The following CCDC148 variants were observed in gnomAD, a reference collection of about 807,000 sequenced individuals.
CCDC148 encodes the protein coiled-coil domain-containing protein 148.
CCDC148 carries 89 observed loss-of-function variants against 85.7 expected under a neutral mutation model. The ratio of observed to expected loss-of-function variants is 1.04; its 90% CI spans 0.87 to 1.24. The LOEUF (loss-of-function observed/expected upper bound fraction) is 1.24. Among genes scored for constraint, CCDC148 ranks in the 50% most tolerant of loss-of-function variants. CCDC148 has a pLI of 0.00. For synonymous variants in CCDC148, 230 were observed against 213.9 expected, an observed-to-expected ratio of 1.08 and a Z score of -0.66; for missense variants, 692 against 671.7, an observed-to-expected ratio of 1.03 and a Z score of -0.33.
intron 9 of CCDC148, among the ~76,000 whole-genome samples, chr2:158,258,456 C>T (rs1485226954): frequency 6.6e-6 from 1 of 151,820 alleles, no homozygotes; most frequent in African/African-American, 2.4e-5. Flanking sequence ...TGAGTCCTAC[C>T]TCTGTGACCT....
rs191188488 is a variant in CCDC148, at chr2:158,180,507, A to T, written c.1371-1511T>A. On this transcript the variant is annotated intron_variant, in intron 11 of 13. Transcript: ENST00000283233. ...TTCACGGAGGAGGCAGTATCTGAGCAGGGTCTTGAGGATTAGGATTCCAGG... is the reference window on the plus strand; with the variant it reads ...TTCACGGAGGAGGCAGTATCTGAGCTGGGTCTTGAGGATTAGGATTCCAGG... Among the ~76,000 whole-genome samples, 604 of 152,222 alleles carry T rather than the reference A, an allele frequency of 4.0e-3. 6 individuals carry two copies. The highest frequency in any genetic ancestry group is 0.027 in the South Asian group (128 of 4,826).
At chr2:158,178,590 G>A (rs528331424) in intron 12 of CCDC148, among the ~76,000 whole-genome samples, 1 of 152,232 alleles carries the variant, frequency 6.6e-6, no homozygotes, top group East Asian at 1.9e-4. Flanking sequence ...CCTCACTGTT[G>A]TAAATGGATA....
intron 11 of CCDC148, among the ~76,000 whole-genome samples, chr2:158,220,151 A>G (rs1253292180): frequency 2.0e-5 from 3 of 150,254 alleles, no homozygotes; most frequent in South Asian, 2.1e-4. Flanking sequence ...GATTTTTTTC[A>G]TGTATTGGGC....
rs375854120 is a variant in CCDC148, at chr2:158,338,833, G to T, written c.657C>A (p.Cys219Ter). 1.1e-5 allele frequency: 18 copies of T among 1,612,610 alleles called. No individual in the cohort carries two copies. The highest frequency in any genetic ancestry group is 1.4e-5 in the Non-Finnish European group (17 of 1,179,562). ...TTGAAGATTTCAAATCAGGGTATGGGCATTCCAAACTTTCTAATTCAATGG... is the reference window on the plus strand; with the variant it reads ...TTGAAGATTTCAAATCAGGGTATGGTCATTCCAAACTTTCTAATTCAATGG... ...ELPIELESLE[C>*]PYPDLKSSIL... Residue 219 changes from cysteine (C) to a stop codon, truncating the protein, a stop_gained, in exon 7 of 14, where the codon TGC becomes TGA. Transcript: ENST00000283233. LOFTEE classifies it high-confidence loss of function.
chr2:158,390,602 G>C (rs181955883), intron 1 of CCDC148, among the ~76,000 whole-genome samples: 45 of 152,244 alleles, frequency 3.0e-4, no homozygotes, highest in African/African-American at 1.0e-3. Context: ...CCAGTGACTA[G>C]AGATCTAAGA....
chr2:158,197,901 AATGAATTAATCAATTAATTCT>A (rs1685758649), intron 11 of CCDC148, among the ~76,000 whole-genome samples: 1 of 130,716 alleles, frequency 7.7e-6, no homozygotes, highest in African/African-American at 4.6e-5. Flanking sequence ...AATTAATTCT[AATGAATTAATCAATTAATTCT>A]AATGAATTAA....
chr2:158,239,840 G>A (rs942864604), intron 10 of CCDC148, among the ~76,000 whole-genome samples: 22 of 151,786 alleles, frequency 1.4e-4, no homozygotes, highest in Middle Eastern at 3.4e-3. Flanking sequence ...ATATGCTATC[G>A]TCTCCTTTTG....
chr2:158,344,168 CA>C (rs909161478), intron 3 of CCDC148, among the ~76,000 whole-genome samples: 22 of 148,960 alleles, frequency 1.5e-4, no homozygotes, highest in African/African-American at 3.9e-4. Context: ...TGCACATTTT[CA>C]AAAAAAAAAT....
At chr2:158,186,188 C>T (rs932709779) in intron 11 of CCDC148, among the ~76,000 whole-genome samples, 6 of 152,104 alleles carry the variant, frequency 3.9e-5, no homozygotes, top group Non-Finnish European at 8.8e-5. Context: ...GAATTAACTA[C>T]TGACTGGCTG....
In CCDC148 at chr2:158,176,559, T is replaced by G. The variant is rs1684598525; in HGVS notation, c.1591A>C (p.Lys531Gln). The G allele has an allele frequency of 2.5e-6, 4 of 1,612,102 alleles. No individual in the cohort carries two copies. The highest frequency in any genetic ancestry group is 3.4e-6 in the Non-Finnish European group (4 of 1,178,856). ...TATGTATTCAATGTGAAGAGTGGCT[T>G]TTGAAGAATAAATTCTTCTTCAATT... is the stretch of plus-strand genomic sequence containing the variant. Reference protein sequence around the residue: ...IEIEEEFILQKPLFTLNTYNE... With the variant: ...IEIEEEFILQQPLFTLNTYNE... The change falls in exon 13 of 14, where the codon AAG becomes CAG. Residue 531 changes from lysine to glutamine, a missense_variant. Transcript: ENST00000283233.
intron 10 of CCDC148, among the ~76,000 whole-genome samples, chr2:158,249,729 T>C (rs1289860248): frequency 2.0e-5 from 3 of 152,142 alleles, no homozygotes; most frequent in Non-Finnish European, 2.9e-5. Flanking sequence ...TTAAAATACA[T>C]AGTTCCTTTA....
At chr2:158,355,193 A>C (rs996088935) in intron 2 of CCDC148, among the ~76,000 whole-genome samples, 6 of 151,786 alleles carry the variant, frequency 4.0e-5, no homozygotes, top group Non-Finnish European at 1.5e-5. Context: ...CTCTCTCACC[A>C]CTCCTATTCA....
chr2:158,236,083 G>A (rs1047394491), intron 10 of CCDC148: 3 of 152,216 alleles, frequency 2.0e-5, no homozygotes, highest in African/African-American at 7.2e-5. Flanking sequence ...AAGATATCCA[G>A]CACTAAAGTA....
intron 9 of CCDC148, among the ~76,000 whole-genome samples, chr2:158,281,526 G>A (rs1157495295): frequency 6.6e-6 from 1 of 151,976 alleles, no homozygotes; most frequent in Non-Finnish European, 1.5e-5. Context: ...AGAAAATCCA[G>A]AAGAAATGGA....
At chr2:158,357,450 T>A (rs1308243722) in intron 2 of CCDC148, among the ~76,000 whole-genome samples, 2 of 152,104 alleles carry the variant, frequency 1.3e-5, no homozygotes, top group East Asian at 3.9e-4. Flanking sequence ...CCTATGTTTA[T>A]CATGAGAAAA....
chr2:158,403,516 T>A (rs1378392930), intron 1 of CCDC148, among the ~76,000 whole-genome samples: 1 of 152,068 alleles, frequency 6.6e-6, no homozygotes, highest in Non-Finnish European at 1.5e-5. Flanking sequence ...CTACTGACCT[T>A]TATATGAACT....
At chr2:158,373,742 A>G (rs993248707) in intron 1 of CCDC148, among the ~76,000 whole-genome samples, 1 of 152,056 alleles carries the variant, frequency 6.6e-6, no homozygotes, top group Admixed American at 6.6e-5. Flanking sequence ...AATGTCATCT[A>G]AAGTAGTTCC....
chr2:158,245,097 C>G (rs772257849), intron 10 of CCDC148, among the ~76,000 whole-genome samples: 11 of 152,158 alleles, frequency 7.2e-5, no homozygotes, highest in Non-Finnish European at 1.2e-4. Flanking sequence ...TGGGGAGGTA[C>G]TCTGAATTCT....
chr2:158,328,461 C>T (rs1692909166), intron 7 of CCDC148, among the ~76,000 whole-genome samples: 2 of 152,110 alleles, frequency 1.3e-5, no homozygotes, highest in South Asian at 2.1e-4. Flanking sequence ...GTCAATAGTG[C>T]CACAATAAAC....
Sources: allele counts gnomAD v4.1 joint callset (sites outside exome capture counted in the v4.1 genomes callset), GRCh38; gene constraint gnomAD v4.1.1; transcripts MANE v1.5; gene names NCBI Gene and HGNC (gene_info 2026-07-23, HGNC 2026-07-21).